The following POU3F3 variants were observed in gnomAD, a reference collection of about 807,000 sequenced individuals.
POU3F3 encodes POU class 3 homeobox 3, also known as POU domain, class 3, transcription factor 3.
Under a neutral mutation model 8.6 loss-of-function variants are expected in POU3F3, and 1 was observed. That is an observed-to-expected ratio of 0.12 (90% CI 0.04 to 0.55). The LOEUF (loss-of-function observed/expected upper bound fraction) is 0.55, where lower values mean the gene tolerates loss of function less well. Ranked by LOEUF, POU3F3 falls within the 20% of genes least tolerant of loss-of-function variation. POU3F3 has a pLI of 0.91. For synonymous variants in POU3F3, 418 were observed against 327.4 expected, an observed-to-expected ratio of 1.28 and a Z score of -2.99; for missense variants, 577 against 690.7, an observed-to-expected ratio of 0.84 and a Z score of 1.84.
the POU3F3 span, among the ~76,000 whole-genome samples, chr2:104,915,337 C>T: frequency 6.6e-6 from 1 of 152,142 alleles, no homozygotes. Context: ...GAAGTTCAAC[C>T]ATGTCAGGTT....
chr2:104,902,533 G>C, the POU3F3 span, among the ~76,000 whole-genome samples: 1 of 152,218 alleles, frequency 6.6e-6, no homozygotes, highest in African/African-American at 2.4e-5. Context: ...TTTTCCCCTG[G>C]ATTGCTGTTA....
chr2:104,890,674 C>G, the POU3F3 span, among the ~76,000 whole-genome samples: 4 of 152,276 alleles, frequency 2.6e-5, no homozygotes, highest in East Asian at 7.7e-4. Context: ...GGTGAGGGTC[C>G]TATCATGTCA....
the POU3F3 span, among the ~76,000 whole-genome samples, chr2:104,917,971 A>T: frequency 6.6e-6 from 1 of 152,230 alleles, no homozygotes; most frequent in Admixed American, 6.5e-5. Context: ...TTACATAACC[A>T]AAGCTAGCTG....
At chr2:104,859,284 C>G (rs1392391998), downstream of POU3F3, among the ~76,000 whole-genome samples, 1 of 152,114 alleles carries the variant, frequency 6.6e-6, no homozygotes, top group African/African-American at 2.4e-5. Flanking sequence ...ATCTTCTTTA[C>G]TGGTGCTGGG....
the POU3F3 span, among the ~76,000 whole-genome samples, chr2:104,920,812 C>T: frequency 1.3e-5 from 2 of 152,094 alleles, no homozygotes; most frequent in Non-Finnish European, 2.9e-5. Flanking sequence ...ATATAACTGT[C>T]CAACAGTAGG....
the POU3F3 span, among the ~76,000 whole-genome samples, chr2:104,892,746 G>T: frequency 6.6e-6 from 1 of 151,392 alleles, no homozygotes; most frequent in African/African-American, 2.4e-5. Context: ...AAGAGAGAGG[G>T]AGTCTCAATT....
the POU3F3 span, among the ~76,000 whole-genome samples, chr2:104,873,699 C>A: frequency 2.0e-5 from 3 of 152,320 alleles, no homozygotes; most frequent in East Asian, 5.8e-4. Flanking sequence ...CGGAGGAGAT[C>A]CTCTCTCCCA....
rs923650126 is a variant in POU3F3, at chr2:104,858,527, A to C, written c.*1514A>C. ...CATTTGATTGTAATTTAATTTGAGT[A>C]GTGATTCCGTAAGAGCTGATCGAGA... On this transcript the variant is annotated 3_prime_UTR_variant, in exon 1 of 1. Coordinates refer to ENST00000361360, the MANE Select transcript of POU3F3 (RefSeq NM_006236.3). 6.6e-6 allele frequency: 1 copy of C among 152,222 alleles called. No homozygotes were observed. Among genetic ancestry groups the C allele is most frequent in the Non-Finnish European group, 1.5e-5 (1 of 68,044 alleles). The allele number at this position is 152,222 out of a possible 1,614,324, so 9.4% of individuals were successfully genotyped here. A position where few individuals can be genotyped will look rare whatever the true frequency, so the allele number is the denominator to read the frequency against.
the POU3F3 span, chr2:104,926,160 A>G: frequency 5.3e-5 from 8 of 152,264 alleles, no homozygotes; most frequent in African/African-American, 1.9e-4. Flanking sequence ...CATTGGAGTA[A>G]ACAGGCAACC....
the POU3F3 span, among the ~76,000 whole-genome samples, chr2:104,920,269 C>T: frequency 2.9e-4 from 44 of 152,208 alleles, no homozygotes; most frequent in Non-Finnish European, 6.3e-4. Context: ...TCCGCCTCAG[C>T]CTCCCAAAGT....
the POU3F3 span, among the ~76,000 whole-genome samples, chr2:104,919,617 C>T: frequency 6.6e-6 from 1 of 152,146 alleles, no homozygotes; most frequent in Non-Finnish European, 1.5e-5. Flanking sequence ...TTTACTGGTC[C>T]TGTGTTCTAT....
At chr2:104,881,114 A>ACTTTCTTTC in the POU3F3 span, among the ~76,000 whole-genome samples, 11 of 100,940 alleles carry the variant, frequency 1.1e-4, no homozygotes, top group South Asian at 2.5e-3. Flanking sequence ...TTCTTTCTTT[A>ACTTTCTTTC]TTTCTTACTT....
At chr2:104,859,995 A>G (rs984317317), downstream of POU3F3, among the ~76,000 whole-genome samples, 3 of 152,176 alleles carry the variant, frequency 2.0e-5, no homozygotes, top group South Asian at 6.2e-4. Context: ...TGTGGTGGAT[A>G]CTACTGGCAC....
At chr2:104,886,940 T>A in the POU3F3 span, among the ~76,000 whole-genome samples, 2 of 151,572 alleles carry the variant, frequency 1.3e-5, no homozygotes, top group East Asian at 1.9e-4. Flanking sequence ...TAAAAAATTT[T>A]AAAAAAAGAA....
chr2:104,857,030 G>A lies in POU3F3; in HGVS notation c.*17G>A, dbSNP rs767387977. 5.3e-6 allele frequency: 8 copies of A among 1,518,956 alleles called. No individual in the cohort carries two copies. Among genetic ancestry groups the A allele is most frequent in the African/African-American group, 1.4e-5 (1 of 72,370 alleles). 94.1% of individuals were successfully genotyped at this position (1,518,956 alleles called of 1,614,324 possible). On this transcript the variant is annotated 3_prime_UTR_variant, in exon 1 of 1. Transcript: ENST00000361360. ...GTTCAGTGAAGCCAGGGCGCAGAGCGAAGAGGGCCGCCGCCGCCGCCGCCT... is the reference window on the plus strand; with the variant it reads ...GTTCAGTGAAGCCAGGGCGCAGAGCAAAGAGGGCCGCCGCCGCCGCCGCCT...
chr2:104,880,562 T>G, the POU3F3 span, among the ~76,000 whole-genome samples: 21 of 152,278 alleles, frequency 1.4e-4, no homozygotes, highest in African/African-American at 5.1e-4. Flanking sequence ...GGTGACTGCC[T>G]CCCTGCAAGT....
chr2:104,856,791 G>A lies in POU3F3; in HGVS notation c.1281G>A (p.Lys427=). The A allele has an allele frequency of 6.2e-7, 1 of 1,614,128 alleles. No individual in the cohort carries two copies. The highest frequency in any genetic ancestry group is 1.1e-5 in the South Asian group (1 of 91,086). ...VKGALESHFL[K]CPKPSAQEIT... is the part of the protein sequence containing the mutation. Reference sequence around the variant, plus strand: ...GCGCGCTGGAGAGCCACTTCCTCAAGTGCCCCAAGCCCTCCGCGCAGGAGA... The same window carrying A: ...GCGCGCTGGAGAGCCACTTCCTCAAATGCCCCAAGCCCTCCGCGCAGGAGA... Residue 427 remains lysine, a synonymous_variant, in exon 1 of 1, where the codon AAG becomes AAA. Coordinates refer to ENST00000361360, the MANE Select transcript of POU3F3 (RefSeq NM_006236.3).
At chr2:104,924,942 A>G in the POU3F3 span, among the ~76,000 whole-genome samples, 3 of 152,218 alleles carry the variant, frequency 2.0e-5, no homozygotes, top group African/African-American at 2.4e-5. Flanking sequence ...TCAGATTTCA[A>G]AAATAAAGTA....
the POU3F3 span, among the ~76,000 whole-genome samples, chr2:104,876,150 G>A: frequency 6.6e-6 from 1 of 152,148 alleles, no homozygotes; most frequent in South Asian, 2.1e-4. Context: ...GAAGTTCAAA[G>A]GGCTATATTA....
Sources: gnomAD v4.1 joint callset for allele counts (sites outside exome capture counted in the v4.1 genomes callset) on GRCh38, gnomAD v4.1.1 for gene constraint, MANE v1.5 for transcripts, NCBI Gene and HGNC (gene_info 2026-07-23, HGNC 2026-07-21) for gene names.